LAMC3: variants seen among roughly 807,000 people sequenced by gnomAD.
LAMC3 encodes laminin subunit gamma 3.
Under a neutral mutation model 173.8 loss-of-function variants are expected in LAMC3, and 128 were observed. The ratio of observed to expected loss-of-function variants is 0.74; its 90% confidence interval spans 0.64 to 0.85. LAMC3 has a LOEUF of 0.85. Ranked by LOEUF, LAMC3 falls within the 40% of genes least tolerant of loss-of-function variation. The pLI is 0.00. For synonymous variants in LAMC3, 897 were observed against 909.1 expected (o/e 0.99, Z 0.24); for missense variants, 2,022 against 2,156.0 (o/e 0.94, Z 1.23).
intron 13 of LAMC3, 82 bp downstream of exon 13, chr9:131,061,305 G>A (rs1829815999): frequency 3.6e-5 from 46 of 1,262,026 alleles, no homozygotes; most frequent in Non-Finnish European, 4.9e-5. Flanking sequence ...TCCAGGGTTA[G>A]GGCCCTGGGT....
At chr9:131,038,290 C>T (rs575931920) in intron 4 of LAMC3, among the ~76,000 whole-genome samples, 5 of 152,336 alleles carry the variant, frequency 3.3e-5, no homozygotes, top group South Asian at 2.1e-4. Flanking sequence ...GCTTGCTTGC[C>T]GTCTGGGCTG....
At chr9:131,069,093 C>T in intron 16 of LAMC3, 43 bp downstream of exon 16, 3 of 1,608,318 alleles carry the variant, frequency 1.9e-6, no homozygotes, top group South Asian at 1.1e-5. Flanking sequence ...GAGGGTGGGG[C>T]CCGAGGGTCT....
chr9:131,011,757 G>A (rs747934512), intron 1 of LAMC3, among the ~76,000 whole-genome samples: 8 of 152,092 alleles, frequency 5.3e-5, no homozygotes, highest in African/African-American at 7.2e-5. Context: ...GTGGGGAGTT[G>A]TTGGGGAGAC....
intron 4 of LAMC3, among the ~76,000 whole-genome samples, chr9:131,038,103 C>G (rs537478105): frequency 6.6e-6 from 1 of 152,236 alleles, no homozygotes; most frequent in Non-Finnish European, 1.5e-5. Flanking sequence ...ACGCCCTTCC[C>G]GCCCCCTCTT....
chr9:131,065,507 A>G (rs1043799957), intron 13 of LAMC3, among the ~76,000 whole-genome samples: 8 of 152,252 alleles, frequency 5.3e-5, no homozygotes, highest in Admixed American at 3.3e-4. Flanking sequence ...AAGCAGATGA[A>G]TGACATTGGA....
At chr9:131,068,038 C>G in intron 14 of LAMC3, 40 bp from the exon 15 acceptor site, 1 of 1,602,118 alleles carries the variant, frequency 6.2e-7, no homozygotes, top group Non-Finnish European at 8.5e-7. Context: ...AACAGACAAT[C>G]TGCATTGTTC....
At chr9:131,064,899 G>A (rs1829899555) in intron 13 of LAMC3, among the ~76,000 whole-genome samples, 1 of 151,904 alleles carries the variant, frequency 6.6e-6, no homozygotes, top group African/African-American at 2.4e-5. Context: ...AAATTAGCTG[G>A]GTGTGGTGGT....
rs537448772 is a variant in LAMC3, at chr9:131,058,032, C to T, written c.2158+885C>T. On this transcript the variant is annotated intron_variant, in intron 12 of 27. Coordinates refer to ENST00000361069, the MANE Select transcript of LAMC3 (RefSeq NM_006059.4). Reference sequence around the variant, plus strand: ...ATGCATGGCCAGCAGGTGGCAGAGCCGTGCCTCCCTCCAGCCTGGACTCCT... The same window carrying T: ...ATGCATGGCCAGCAGGTGGCAGAGCTGTGCCTCCCTCCAGCCTGGACTCCT... Among the ~76,000 whole-genome samples the T allele has an allele frequency of 2.6e-5, 4 of 152,360 alleles. No homozygotes were observed. The South Asian group carries it at 6.2e-4, about 24-fold the overall frequency.
chr9:131,071,586 C>T lies in LAMC3; in HGVS notation c.3172C>T (p.Pro1058Ser). 6.2e-7 allele frequency: 1 copy of T among 1,606,194 alleles called. No individual in the cohort carries two copies. Among genetic ancestry groups the T allele is most frequent in the Non-Finnish European group, 8.5e-7 (1 of 1,174,714 alleles). The change falls in exon 18 of 28, where the codon CCA (proline) becomes TCA (serine). Residue 1058 changes from proline to serine, a missense_variant. Transcript: ENST00000361069. ...ACTAGACATTCTGCTGGGAGAGGCCCCAAGGGGGGACGTCTACCAGGGCCA... is the reference window on the plus strand; with the variant it reads ...ACTAGACATTCTGCTGGGAGAGGCCTCAAGGGGGGACGTCTACCAGGGCCA... ...GPLDILLGEA[P>S]RGDVYQGHHL...
intron 24 of LAMC3, among the ~76,000 whole-genome samples, chr9:131,083,148 C>T (rs929153202): frequency 2.6e-5 from 4 of 152,196 alleles, no homozygotes; most frequent in Non-Finnish European, 4.4e-5. Flanking sequence ...GTCTTAAGGT[C>T]ATCTGCTGCA....
At chr9:131,058,643 C>T (rs1450407005) in intron 12 of LAMC3, among the ~76,000 whole-genome samples, 2 of 151,960 alleles carry the variant, frequency 1.3e-5, no homozygotes, top group Non-Finnish European at 2.9e-5. Context: ...CCTGTAATCC[C>T]AGCACTTTGG....
At position 131,092,685 on chromosome 9, in the gene LAMC3, A is replaced by AGCAC. The variant is rs1338077951; in HGVS notation, c.*901_*904dup. 8 of 152,314 alleles carry AGCAC rather than the reference A, an allele frequency of 5.3e-5. No individual in the cohort carries two copies. Among genetic ancestry groups the AGCAC allele is most frequent in the Admixed American group, 5.2e-4 (8 of 15,286 alleles). The allele number at this position is 152,314 out of a possible 1,614,324, so 9.4% of individuals were successfully genotyped here. A position where few individuals can be genotyped will look rare whatever the true frequency, so the allele number is the denominator to read the frequency against. The stretch of plus-strand genomic sequence containing the variant: ...AGGTCAGGGTGCTCAGGCTACCAGG[A>AGCAC]GCACGCCTCTGTGCCCCCGGCAACC... On this transcript the variant is annotated 3_prime_UTR_variant, in exon 28 of 28. Coordinates refer to ENST00000361069, the MANE Select transcript of LAMC3 (RefSeq NM_006059.4).
chr9:131,047,301 A>G (rs1834188695), intron 8 of LAMC3, among the ~76,000 whole-genome samples: 1 of 149,272 alleles, frequency 6.7e-6, no homozygotes, highest in Non-Finnish European at 1.5e-5. Context: ...TGTAGCTGGG[A>G]CTGCAGGCAC....
chr9:131,031,182 T>C (rs1833816658), intron 2 of LAMC3, among the ~76,000 whole-genome samples: 1 of 152,250 alleles, frequency 6.6e-6, no homozygotes, highest in South Asian at 2.1e-4. Flanking sequence ...TTTTCTGCAC[T>C]GATGGGCCTG....
At chr9:131,085,328 A>T (rs1004672190) in intron 24 of LAMC3, among the ~76,000 whole-genome samples, 196 bp from the exon 25 acceptor site, 1 of 152,164 alleles carries the variant, frequency 6.6e-6, no homozygotes, top group Non-Finnish European at 1.5e-5. Context: ...TTCCCCAAGC[A>T]GTATGTCTGT....
At chr9:131,021,101 G>GTAAC (rs1432821896) in intron 1 of LAMC3, 1 of 152,172 alleles carries the variant, frequency 6.6e-6, no homozygotes, top group Non-Finnish European at 1.5e-5. Flanking sequence ...CTTGCTTGGA[G>GTAAC]TAACACAGGC....
chr9:131,076,854 G>A (rs527942067), intron 21 of LAMC3, among the ~76,000 whole-genome samples: 8 of 152,296 alleles, frequency 5.3e-5, no homozygotes, highest in African/African-American at 1.4e-4. Context: ...CCACTTCACC[G>A]GGCATTTTCC....
chr9:131,062,640 G>A (rs560082843), intron 13 of LAMC3, among the ~76,000 whole-genome samples: 7 of 152,192 alleles, frequency 4.6e-5, no homozygotes, highest in South Asian at 2.1e-4. Flanking sequence ...AGGCTGAGGC[G>A]GGCGGATCAC....
At chr9:131,045,386 C>A in intron 7 of LAMC3, 138 bp from the exon 8 acceptor site, 1 of 936,498 alleles carries the variant, frequency 1.1e-6, no homozygotes, top group East Asian at 2.6e-5. Flanking sequence ...TACTACTCTT[C>A]TAGAATTCTG....
Sources: allele counts gnomAD v4.1 joint callset (sites outside exome capture counted in the v4.1 genomes callset), GRCh38; gene constraint gnomAD v4.1.1; transcripts MANE v1.5; gene names NCBI Gene and HGNC (gene_info 2026-07-23, HGNC 2026-07-21).